The following LRRC4C variants were observed in gnomAD, a reference collection of about 807,000 sequenced individuals.
The protein encoded by LRRC4C is leucine-rich repeat-containing protein 4C.
In LRRC4C, 5 loss-of-function variants were observed where a neutral mutation model predicts 33.6. The observed-to-expected ratio is 0.15, with a 90% CI of 0.08 to 0.31. The LOEUF (loss-of-function observed/expected upper bound fraction) is 0.31. LRRC4C is among the 10% of genes least tolerant of loss of function. The probability of loss-of-function intolerance (pLI) is 1.00; values close to 1 mark genes in which losing one functional copy is unlikely to be tolerated. For synonymous variants in LRRC4C, 329 were observed against 302.0 expected (o/e 1.09, Z -0.93); for missense variants, 560 against 796.7 (o/e 0.70, Z 3.58).
At chr11:41,392,567 A>AG (rs1230300359) in intron 1 of LRRC4C, among the ~76,000 whole-genome samples, 2 of 151,674 alleles carry the variant, frequency 1.3e-5, no homozygotes, top group Admixed American at 6.6e-5. Context: ...ACAAACAAAA[A>AG]AAAAAACATC....
chr11:40,142,658 A>G (rs550270419), intron 5 of LRRC4C, among the ~76,000 whole-genome samples: 1 of 151,814 alleles, frequency 6.6e-6, no homozygotes, highest in Non-Finnish European at 1.5e-5. Flanking sequence ...CTCAACATCC[A>G]TTGCTGGTTG....
chr11:40,488,653 C>T (rs2138487852), intron 3 of LRRC4C, among the ~76,000 whole-genome samples: 1 of 152,116 alleles, frequency 6.6e-6, no homozygotes, highest in South Asian at 2.1e-4. Flanking sequence ...CCGTGTGTTG[C>T]CTCCCTGTTT....
rs1175637842 is a variant in LRRC4C at position 41,325,570 on chromosome 11, T to C, written c.-496+133861A>G. Among the ~76,000 whole-genome samples the C allele has an allele frequency of 8.1e-3, 513 of 63,248 alleles. 4 individuals are homozygous for C. The highest frequency in any genetic ancestry group is 0.02 in the African/African-American group (474 of 23,802). The allele number at this position is 63,248 out of a possible 152,430, so 41.5% of individuals were successfully genotyped here. ...GGAAAAATTATTGTCCTTATAGTTTTTTTTTTTTGTGTGTGTGTGTGTGTG... is the reference window on the plus strand; with the variant it reads ...GGAAAAATTATTGTCCTTATAGTTTCTTTTTTTTGTGTGTGTGTGTGTGTG... On this transcript the variant is annotated intron_variant, in intron 1 of 6. Transcript: ENST00000528697.
chr11:40,746,240 G>C (rs60258801), intron 2 of LRRC4C, among the ~76,000 whole-genome samples: 18,291 of 152,070 alleles, frequency 0.12, 1,489 homozygotes, highest in East Asian at 0.41. Flanking sequence ...GAGCTGTCAG[G>C]AGACTGTGCA....
chr11:41,249,330 G>A (rs77975611), intron 1 of LRRC4C, among the ~76,000 whole-genome samples: 3 of 152,038 alleles, frequency 2.0e-5, no homozygotes, highest in Non-Finnish European at 2.9e-5. Flanking sequence ...CACCGCGCCC[G>A]GCCAAGATAC....
chr11:41,072,963 A>G (rs1371892523), intron 1 of LRRC4C, among the ~76,000 whole-genome samples: 2 of 152,184 alleles, frequency 1.3e-5, no homozygotes, highest in African/African-American at 4.8e-5. Flanking sequence ...TTCTGATTAT[A>G]GATTTGTATA....
At chr11:41,217,409 C>T (rs1257960714) in intron 1 of LRRC4C, among the ~76,000 whole-genome samples, 14 of 152,066 alleles carry the variant, frequency 9.2e-5, no homozygotes, top group Non-Finnish European at 2.1e-4. Context: ...GAGGAATACC[C>T]CTTAAGCAAC....
At chr11:41,057,918 C>A (rs1359975630) in intron 1 of LRRC4C, among the ~76,000 whole-genome samples, 1 of 152,144 alleles carries the variant, frequency 6.6e-6, no homozygotes, top group African/African-American at 2.4e-5. Flanking sequence ...CCTTGGAACA[C>A]CCTGGGAACA....
At chr11:40,418,767 A>G (rs1222294097) in intron 3 of LRRC4C, among the ~76,000 whole-genome samples, 1 of 152,230 alleles carries the variant, frequency 6.6e-6, no homozygotes, top group African/African-American at 2.4e-5. Flanking sequence ...ACACCATTGA[A>G]TACTATGCAG....
At chr11:40,685,805 A>T (rs1389635964) in intron 2 of LRRC4C, among the ~76,000 whole-genome samples, 1 of 152,092 alleles carries the variant, frequency 6.6e-6, no homozygotes, top group Non-Finnish European at 1.5e-5. Context: ...GTGTACACAT[A>T]TATGTGTATA....
At chr11:40,282,980 A>G (rs1356404836) in intron 4 of LRRC4C, among the ~76,000 whole-genome samples, 1 of 152,222 alleles carries the variant, frequency 6.6e-6, no homozygotes, top group African/African-American at 2.4e-5. Context: ...TATGGACATT[A>G]CTCAAACTTA....
At chr11:40,535,137 G>A (rs1054014929) in intron 3 of LRRC4C, among the ~76,000 whole-genome samples, 1 of 152,124 alleles carries the variant, frequency 6.6e-6, no homozygotes, top group African/African-American at 2.4e-5. Flanking sequence ...TCTAAGTTTG[G>A]AGTTATAGTC....
intron 1 of LRRC4C, among the ~76,000 whole-genome samples, chr11:41,091,446 T>C (rs1474387768): frequency 6.6e-6 from 1 of 151,420 alleles, no homozygotes; most frequent in African/African-American, 2.4e-5. Flanking sequence ...AGACAAGGAG[T>C]AGACAAAACT....
chr11:40,267,629 A>T, intron 4 of LRRC4C, among the ~76,000 whole-genome samples: 1 of 152,152 alleles, frequency 6.6e-6, no homozygotes, highest in African/African-American at 2.4e-5. Flanking sequence ...GGGATTACAG[A>T]CGTGAGCCAC....
intron 3 of LRRC4C, among the ~76,000 whole-genome samples, chr11:40,612,810 A>G (rs1264766923): frequency 1.3e-5 from 2 of 151,896 alleles, no homozygotes; most frequent in Non-Finnish European, 2.9e-5. Flanking sequence ...CCTCAGAGAT[A>G]TTACAAGTTT....
chr11:40,649,436 C>G (rs1356445648), intron 2 of LRRC4C, among the ~76,000 whole-genome samples: 1 of 152,152 alleles, frequency 6.6e-6, no homozygotes, highest in Non-Finnish European at 1.5e-5. Flanking sequence ...AAAAATATGG[C>G]TCTATTCTGC....
At chr11:40,230,011 C>T (rs1393696563) in intron 5 of LRRC4C, among the ~76,000 whole-genome samples, 1 of 152,156 alleles carries the variant, frequency 6.6e-6, no homozygotes, top group Admixed American at 6.5e-5. Flanking sequence ...TCTCCGTGAA[C>T]ATAAACTGCA....
At chr11:41,264,341 C>T (rs1019855922) in intron 1 of LRRC4C, among the ~76,000 whole-genome samples, 2 of 151,990 alleles carry the variant, frequency 1.3e-5, no homozygotes, top group Non-Finnish European at 2.9e-5. Flanking sequence ...CCGCCTGCCT[C>T]GGACTCCCAA....
intron 3 of LRRC4C, among the ~76,000 whole-genome samples, chr11:40,467,881 TTTTA>T (rs538103469): frequency 8.0e-4 from 122 of 152,288 alleles, no homozygotes; most frequent in Non-Finnish European, 1.4e-3. Flanking sequence ...CACTGCCATT[TTTTA>T]TTTGTTTGTT....
Sources: gnomAD v4.1 joint callset for allele counts (sites outside exome capture counted in the v4.1 genomes callset) on GRCh38, gnomAD v4.1.1 for gene constraint, MANE v1.5 for transcripts, NCBI Gene and HGNC (gene_info 2026-07-23, HGNC 2026-07-21) for gene names.